Variants in WARS2 observed in about 807,000 individuals in gnomAD.
WARS2 encodes the protein tryptophanyl tRNA synthetase 2, mitochondrial.
WARS2 carries 28 observed loss-of-function variants against 36.5 expected under a neutral mutation model. The observed-to-expected ratio is 0.77, with a 90% CI of 0.57 to 1.05. WARS2 has a LOEUF of 1.05. Ranked by LOEUF, WARS2 falls within the 50% of genes least tolerant of loss-of-function variation. WARS2 has a pLI of 0.00. For missense variants in WARS2, 435 were observed against 456.8 expected (o/e 0.95, Z 0.44); for synonymous variants, 174 against 178.4 (o/e 0.98, Z 0.20).
rs367955870 is a variant in WARS2, at chr1:119,118,935, T to A, written c.90+21620A>T. Reference sequence around the variant, plus strand: ...CTACAAGAACTGCTAAAAGGAGTCATAAATCTTGAAACAAAACCCCAAAAT... The same window carrying A: ...CTACAAGAACTGCTAAAAGGAGTCAAAAATCTTGAAACAAAACCCCAAAAT... On this transcript the variant is annotated intron_variant, in intron 1 of 5. Coordinates refer to ENST00000235521, the MANE Select transcript of WARS2 (RefSeq NM_015836.4). Among the ~76,000 whole-genome samples, 9 of 152,224 alleles carry A rather than the reference T, an allele frequency of 5.9e-5. No homozygotes were observed. The South Asian group carries it at 1.9e-3, about 32-fold the overall frequency.
At chr1:119,096,022 CTG>C (rs1653414992) in intron 1 of WARS2, among the ~76,000 whole-genome samples, 1 of 152,136 alleles carries the variant, frequency 6.6e-6, no homozygotes, top group African/African-American at 2.4e-5. Context: ...TGCACTTGCT[CTG>C]TGTGTGTCTA....
At chr1:119,135,604 TAAGATA>T (rs904988683) in intron 1 of WARS2, among the ~76,000 whole-genome samples, 13 of 152,150 alleles carry the variant, frequency 8.5e-5, no homozygotes, top group African/African-American at 3.1e-4. Flanking sequence ...ATGAAGTAAA[TAAGATA>T]AAGTATGTAA....
At position 119,129,733 on chromosome 1, in the gene WARS2, A is replaced by AAT. The variant is rs1553182257; in HGVS notation, c.90+10821_90+10822insAT. On this transcript the variant is annotated intron_variant, in intron 1 of 5. Transcript: ENST00000235521. ...CTATCTCAAAAAATAAAAATAAAAA[A>AAT]AAAATAAAATAAAATAAATCCCATT... is the stretch of plus-strand genomic sequence containing the variant. Among the ~76,000 whole-genome samples, 342 of 151,946 alleles carry AAT rather than the reference A, an allele frequency of 2.3e-3. 1 individual carries two copies. Among genetic ancestry groups the AAT allele is most frequent in the African/African-American group, 7.7e-3 (321 of 41,452 alleles).
intron 1 of WARS2, among the ~76,000 whole-genome samples, chr1:119,131,989 A>T (rs984281735): frequency 1.3e-5 from 2 of 152,088 alleles, no homozygotes; most frequent in Non-Finnish European, 2.9e-5. Flanking sequence ...GGATAGAATT[A>T]TATATTATTG....
At chr1:119,079,470 G>T (rs1263173350) in intron 1 of WARS2, among the ~76,000 whole-genome samples, 2 of 152,068 alleles carry the variant, frequency 1.3e-5, no homozygotes, top group Non-Finnish European at 2.9e-5. Flanking sequence ...TGCAATTGCT[G>T]GTTGGGGTTG....
chr1:119,125,905 C>A (rs1013930676), intron 1 of WARS2, among the ~76,000 whole-genome samples: 1 of 152,164 alleles, frequency 6.6e-6, no homozygotes, highest in Admixed American at 6.5e-5. Context: ...TCATGTTATA[C>A]CCTGGGCCTT....
intron 3 of WARS2, among the ~76,000 whole-genome samples, chr1:119,044,284 C>G (rs1648613048): frequency 6.6e-6 from 1 of 152,124 alleles, no homozygotes; most frequent in Non-Finnish European, 1.5e-5. Flanking sequence ...AGTACATGCA[C>G]TAGTAATATA....
chr1:119,063,430 C>A (rs969648447), intron 2 of WARS2: 3 of 152,104 alleles, frequency 2.0e-5, no homozygotes, highest in African/African-American at 7.2e-5. Context: ...AAATTCAAGC[C>A]CGCTGCAGAA....
chr1:119,034,517 T>C (rs1647710237), intron 4 of WARS2, among the ~76,000 whole-genome samples: 2 of 152,132 alleles, frequency 1.3e-5, no homozygotes, highest in Non-Finnish European at 2.9e-5. Flanking sequence ...CTAGGCACAA[T>C]TGTGTTTTAA....
At chr1:119,036,134 C>T (rs575418168) in intron 4 of WARS2, among the ~76,000 whole-genome samples, 8 of 152,126 alleles carry the variant, frequency 5.3e-5, no homozygotes, top group Admixed American at 3.9e-4. Context: ...AACCCGGAGG[C>T]GGAGGTGGAG....
rs570882089 is a variant in WARS2, at chr1:119,036,066, T to C, written c.516-1853A>G. ...TTAAAAATACATAATTAGCTGGGTG[T>C]GGTGGTGCATGCCTGTAATCCCAGG... On this transcript the variant is annotated intron_variant, in intron 4 of 5. Coordinates refer to ENST00000235521, the MANE Select transcript of WARS2 (RefSeq NM_015836.4). 5.9e-5 allele frequency among the ~76,000 whole-genome samples: 9 copies of C among 152,192 alleles called. No individual in the cohort carries two copies. In the South Asian group the frequency reaches 1.7e-3, roughly 28 times the overall value.
chr1:119,104,765 C>CA (rs35255724), intron 1 of WARS2, among the ~76,000 whole-genome samples: 34,227 of 119,126 alleles, frequency 0.29, 5,349 homozygotes, highest in East Asian at 0.55. Context: ...AAGAAGAGGC[C>CA]AAAAAAAAAA....
At chr1:119,108,951 C>A (rs1195896541) in intron 1 of WARS2, among the ~76,000 whole-genome samples, 1 of 151,870 alleles carries the variant, frequency 6.6e-6, no homozygotes, top group Non-Finnish European at 1.5e-5. Context: ...TTTAGAATTT[C>A]TCCTGAGATT....
At chr1:119,082,474 A>G (rs1274693554) in intron 1 of WARS2, 5 of 984,514 alleles carry the variant, frequency 5.1e-6, no homozygotes, top group Non-Finnish European at 6.0e-6. Flanking sequence ...CATAGGCATC[A>G]TTTTCTAGGG....
chr1:119,048,140 A>G (rs544289183), intron 2 of WARS2, among the ~76,000 whole-genome samples: 5 of 152,362 alleles, frequency 3.3e-5, no homozygotes, highest in African/African-American at 9.6e-5. Flanking sequence ...TGAAAGGTAA[A>G]TTGCAGTGGG....
intron 1 of WARS2, among the ~76,000 whole-genome samples, chr1:119,118,200 A>G (rs1655098766): frequency 6.6e-6 from 1 of 152,060 alleles, no homozygotes; most frequent in African/African-American, 2.4e-5. Context: ...TATGGAGGAA[A>G]AAGTTCCCAG....
At chr1:119,131,876 A>C (rs1207691569) in intron 1 of WARS2, among the ~76,000 whole-genome samples, 3 of 152,028 alleles carry the variant, frequency 2.0e-5, no homozygotes, top group Non-Finnish European at 4.4e-5. Context: ...AGATTAACAA[A>C]GTCAGACTGA....
chr1:119,056,487 C>T (rs1386863188), intron 2 of WARS2, among the ~76,000 whole-genome samples: 1 of 147,994 alleles, frequency 6.8e-6, no homozygotes. Context: ...TATATTTAGT[C>T]CATATACATT....
intron 2 of WARS2, among the ~76,000 whole-genome samples, chr1:119,071,656 C>T (rs996568065): frequency 9.9e-5 from 15 of 152,014 alleles, no homozygotes; most frequent in Admixed American, 6.6e-4. Context: ...CATAGAAGCA[C>T]AGTAGAATGG....
Sources: allele counts gnomAD v4.1 joint callset (sites outside exome capture counted in the v4.1 genomes callset), GRCh38; gene constraint gnomAD v4.1.1; transcripts MANE v1.5; gene names NCBI Gene and HGNC (gene_info 2026-07-23, HGNC 2026-07-21).